The following RC3H1 variants were observed in gnomAD, a reference collection of about 807,000 sequenced individuals.
RC3H1 encodes roquin-1.
In RC3H1, 50 loss-of-function variants were observed where a neutral mutation model predicts 138.2. The observed-to-expected ratio is 0.36, with a 90% CI of 0.29 to 0.46. The LOEUF (loss-of-function observed/expected upper bound fraction) is 0.46, where lower values mean the gene tolerates loss of function less well. Ranked by LOEUF, RC3H1 falls within the 20% of genes least tolerant of loss-of-function variation. RC3H1 has a pLI of 1.00. For missense variants in RC3H1, 1,031 were observed against 1,388.1 expected, an observed-to-expected ratio of 0.74 and a Z score of 4.09; for synonymous variants, 462 against 489.1, an observed-to-expected ratio of 0.94 and a Z score of 0.73.
At chr1:173,963,277 T>A (rs1348987916) in intron 11 of RC3H1, among the ~76,000 whole-genome samples, 1 of 64,886 alleles carries the variant, frequency 1.5e-5, no homozygotes, top group African/African-American at 5.2e-4. Context: ...CATTCATAAC[T>A]TTTTTTTTTC....
chr1:174,021,417 A>G (rs1396325959), intron 1 of RC3H1, among the ~76,000 whole-genome samples: 1 of 151,954 alleles, frequency 6.6e-6, no homozygotes, highest in Admixed American at 6.5e-5. Context: ...ATGTTTAGAG[A>G]GGCGCATCCC....
chr1:174,019,333 G>A (rs1314026489), intron 1 of RC3H1, among the ~76,000 whole-genome samples: 1 of 152,178 alleles, frequency 6.6e-6, no homozygotes. Flanking sequence ...TGTCAACACA[G>A]AAGATGCTTC....
intron 19 of RC3H1, 46 bp downstream of exon 19, chr1:173,941,218 CT>C (rs1472174986): frequency 9.0e-7 from 1 of 1,105,176 alleles, no homozygotes; most frequent in Non-Finnish European, 1.4e-6. Context: ...ATTAGTTTCT[CT>C]TTTGTGTGTA....
chr1:173,977,015 C>T (rs763916997), intron 7 of RC3H1, among the ~76,000 whole-genome samples: 35 of 151,746 alleles, frequency 2.3e-4, no homozygotes, highest in South Asian at 6.3e-4. Flanking sequence ...CTCTGCCGCC[C>T]GGGTTCACAC....
chr1:173,940,643 TTTC>T (rs1474546094), intron 19 of RC3H1, among the ~76,000 whole-genome samples: 4 of 128,284 alleles, frequency 3.1e-5, no homozygotes, highest in African/African-American at 1.9e-4. Flanking sequence ...TTTTTTGTTT[TTTC>T]TTTTTTTTTA....
At chr1:173,950,125 T>C (rs993190255) in intron 14 of RC3H1, among the ~76,000 whole-genome samples, 7 of 151,852 alleles carry the variant, frequency 4.6e-5, no homozygotes, top group Admixed American at 3.9e-4. Flanking sequence ...GCTGAGATCA[T>C]GCCACTGCAC....
At chr1:174,013,108 GACA>G (rs1175834026) in intron 1 of RC3H1, among the ~76,000 whole-genome samples, 2 of 152,008 alleles carry the variant, frequency 1.3e-5, no homozygotes, top group African/African-American at 4.8e-5. Context: ...TACTATAATG[GACA>G]ACATTTGAAA....
At chr1:173,994,060 G>A (rs997824812) in intron 1 of RC3H1, among the ~76,000 whole-genome samples, 2 of 150,280 alleles carry the variant, frequency 1.3e-5, no homozygotes, top group African/African-American at 2.5e-5. Flanking sequence ...GTTGGGGAAG[G>A]GGGTAGAGGG....
intron 8 of RC3H1, 139 bp downstream of exon 8, chr1:173,972,370 C>T (rs1276355941): frequency 1.6e-6 from 1 of 608,624 alleles, no homozygotes. Flanking sequence ...AGGTAATTTA[C>T]AGTTTCTATA....
rs971511863 is a variant in RC3H1, at chr1:174,003,785, C to T, written c.-150-10650G>A. On this transcript the variant is annotated intron_variant, in intron 1 of 19. Coordinates refer to ENST00000367696, the MANE Select transcript of RC3H1 (RefSeq NM_172071.4). ...CACGCCATTCTCCTGCCTCTGCCTC[C>T]CAAGTAGCTGGGTCTACAGGCGCCC... is the stretch of plus-strand genomic sequence containing the variant. Among the ~76,000 whole-genome samples, 111 of 151,974 alleles carry T rather than the reference C, an allele frequency of 7.3e-4. 1 individual carries two copies. Among genetic ancestry groups the T allele is most frequent in the African/African-American group, 2.5e-3 (105 of 41,504 alleles).
At chr1:173,948,675 A>G (rs1373128254) in intron 14 of RC3H1, among the ~76,000 whole-genome samples, 2 of 151,816 alleles carry the variant, frequency 1.3e-5, no homozygotes, top group Non-Finnish European at 2.9e-5. Context: ...GTGAGCCTCA[A>G]CCTCCTGGGC....
At chr1:173,973,344 T>C (rs1660444155) in intron 7 of RC3H1, among the ~76,000 whole-genome samples, 1 of 152,150 alleles carries the variant, frequency 6.6e-6, no homozygotes, top group Non-Finnish European at 1.5e-5. Flanking sequence ...GAGACCATCC[T>C]GGCCAGCATT....
chr1:173,949,322 A>T (rs543272256), intron 14 of RC3H1, among the ~76,000 whole-genome samples: 3 of 152,190 alleles, frequency 2.0e-5, no homozygotes, highest in African/African-American at 7.2e-5. Context: ...TAATAAGGAC[A>T]AATGGGTTAA....
intron 1 of RC3H1, among the ~76,000 whole-genome samples, chr1:173,993,967 C>G (rs1661395785): frequency 7.3e-6 from 1 of 137,868 alleles, no homozygotes; most frequent in African/African-American, 2.9e-5. Context: ...TTGTGGTGAG[C>G]CAAGATCGCG....
At chr1:173,990,560 G>C (rs1661235502) in intron 2 of RC3H1, among the ~76,000 whole-genome samples, 1 of 149,010 alleles carries the variant, frequency 6.7e-6, no homozygotes, top group South Asian at 2.1e-4. Context: ...TGTAAGAAAA[G>C]TATTATTATT....
chr1:173,994,385 C>G (rs1264892405), intron 1 of RC3H1, among the ~76,000 whole-genome samples: 1 of 152,048 alleles, frequency 6.6e-6, no homozygotes, highest in African/African-American at 2.4e-5. Flanking sequence ...CAGTGAGACT[C>G]CATCTCAAAA....
At position 173,972,553 on chromosome 1, in the gene RC3H1, C is replaced by T; in HGVS notation, c.1177G>A (p.Asp393Asn). ...AVRTVVHGLVDYIQNHSKKGA... is the reference protein window; with the variant it reads ...AVRTVVHGLVNYIQNHSKKGA... ...TTTTTGCTGTGGTTCTGGATATAAT[C>T]AACCAGCCCATGTACCACTGTACGC... The change falls in exon 8 of 20, where the codon GAT becomes AAT. Residue 393 changes from aspartate (D) to asparagine (N), a missense_variant. This residue lies in a region of RC3H1 where 142 missense variants were observed against 224.6 expected (regional missense o/e 0.63). Transcript: ENST00000367696. 1 of 1,614,072 alleles carries T rather than the reference C, an allele frequency of 6.2e-7. No individual in the cohort carries two copies. Among genetic ancestry groups the T allele is most frequent in the Middle Eastern group, 1.6e-4 (1 of 6,062 alleles).
chr1:173,936,900 C>T lies in RC3H1; in HGVS notation c.*1821G>A, dbSNP rs1263633745. On this transcript the variant is annotated 3_prime_UTR_variant, in exon 20 of 20. Transcript: ENST00000367696. ...ACAGCTGCGCTCATGCGAAAAAATC[C>T]TTAAAACATACCCAATATATATACA... 1 of 144,464 alleles carries T rather than the reference C, an allele frequency of 6.9e-6. No individual in the cohort carries two copies. Among genetic ancestry groups the T allele is most frequent in the East Asian group, 2.0e-4 (1 of 5,102 alleles). The allele number at this position is 144,464 out of a possible 1,614,324, so 8.9% of individuals were successfully genotyped here. A position where few individuals can be genotyped will look rare whatever the true frequency, so the allele number is the denominator to read the frequency against.
chr1:173,991,359 T>C (rs1014608210), intron 2 of RC3H1, among the ~76,000 whole-genome samples: 6 of 152,274 alleles, frequency 3.9e-5, no homozygotes, highest in Non-Finnish European at 7.3e-5. Context: ...TTCTAATAGC[T>C]TTTCCTTTGC....
Sources: allele counts gnomAD v4.1 joint callset (sites outside exome capture counted in the v4.1 genomes callset), GRCh38; gene constraint gnomAD v4.1.1; regional missense constraint gnomAD v4.1.1; transcripts MANE v1.5; gene names NCBI Gene and HGNC (gene_info 2026-07-23, HGNC 2026-07-21).